OTUD7A: variants seen among roughly 807,000 people sequenced by gnomAD.
OTUD7A encodes the protein OTU deubiquitinase 7A.
A neutral mutation model predicts 65.7 loss-of-function variants in OTUD7A; 12 were observed. The observed-to-expected ratio is 0.18, with a 90% CI of 0.12 to 0.30. OTUD7A has a LOEUF of 0.30. Among genes scored for constraint, OTUD7A ranks in the 10% least tolerant of loss-of-function variants. OTUD7A has a pLI of 1.00. For synonymous variants in OTUD7A, 641 were observed against 586.3 expected (o/e 1.09, Z -1.35); for missense variants, 1,148 against 1,304.8 (o/e 0.88, Z 1.85).
At chr15:31,591,220 T>C (rs573982703) in intron 3 of OTUD7A, among the ~76,000 whole-genome samples, 1 of 152,010 alleles carries the variant, frequency 6.6e-6, no homozygotes, top group Non-Finnish European at 1.5e-5. Context: ...TTTGGTGGCT[T>C]AACAAGGAAA....
At chr15:31,811,840 T>C (rs1265398424) in intron 1 of OTUD7A, among the ~76,000 whole-genome samples, 1 of 152,240 alleles carries the variant, frequency 6.6e-6, no homozygotes, top group African/African-American at 2.4e-5. Context: ...TAGGGCAACC[T>C]GCTTTTTCCT....
Position 31,483,633 on chromosome 15 carries a change from G to A in OTUD7A, c.2463C>T (p.Ala821=), listed in dbSNP as rs1034149260. The change falls in exon 13 of 13, where the codon GCC becomes GCT. Residue 821 remains alanine, a synonymous_variant. Transcript: ENST00000307050. ...LSSQSYSPAR[A]AALRTVNTVE... is the part of the protein sequence containing the mutation. The stretch of plus-strand genomic sequence containing the variant: ...CCGTGTTGACGGTGCGCAGGGCGGC[G>A]GCGCGCGCCGGGCTGTAGCTCTGCG... 2.1e-5 allele frequency: 25 copies of A among 1,180,428 alleles called. No homozygotes were observed. Among genetic ancestry groups the A allele is most frequent in the South Asian group, 1.2e-4 (3 of 25,130 alleles). The allele number at this position is 1,180,428 out of a possible 1,614,324, so 73.1% of individuals were successfully genotyped here.
chr15:31,677,223 G>A (rs1376818748), intron 1 of OTUD7A, among the ~76,000 whole-genome samples: 2 of 152,312 alleles, frequency 1.3e-5, no homozygotes, highest in East Asian at 3.9e-4. Flanking sequence ...GGGGATAGTA[G>A]AGCTGCTGGA....
chr15:31,696,602 CCA>C (rs1244929058), intron 1 of OTUD7A, among the ~76,000 whole-genome samples: 1 of 142,216 alleles, frequency 7.0e-6, no homozygotes, highest in Non-Finnish European at 1.5e-5. Flanking sequence ...CCCTTCAGCT[CCA>C]GAGAGACCTC....
intron 1 of OTUD7A, among the ~76,000 whole-genome samples, chr15:31,828,847 T>C (rs934447543): frequency 6.6e-6 from 1 of 152,140 alleles, no homozygotes; most frequent in Non-Finnish European, 1.5e-5. Context: ...TCTCCCGCTT[T>C]ACCCCAGGCA....
chr15:31,776,183 G>A (rs533651362), intron 1 of OTUD7A, among the ~76,000 whole-genome samples: 4 of 152,284 alleles, frequency 2.6e-5, no homozygotes, highest in African/African-American at 4.8e-5. Flanking sequence ...TCCCCTTACC[G>A]CCTGGTACCG....
chr15:31,542,884 C>T (rs1480660335), intron 5 of OTUD7A, among the ~76,000 whole-genome samples: 3 of 150,670 alleles, frequency 2.0e-5, no homozygotes, highest in Admixed American at 6.6e-5. Context: ...TAATACTAGA[C>T]CCATGAAAAG....
chr15:31,809,515 CA>C (rs1271214546), intron 1 of OTUD7A, among the ~76,000 whole-genome samples: 1 of 152,076 alleles, frequency 6.6e-6, no homozygotes, highest in Non-Finnish European at 1.5e-5. Flanking sequence ...CAGTTCCAGC[CA>C]AAAAAACTTA....
intron 1 of OTUD7A, among the ~76,000 whole-genome samples, chr15:31,772,395 CT>C (rs150006871): frequency 0.023 from 3,451 of 152,184 alleles, 122 homozygotes; most frequent in African/African-American, 0.079. Flanking sequence ...TGCATAATCC[CT>C]GACAGATAGT....
intron 3 of OTUD7A, among the ~76,000 whole-genome samples, chr15:31,625,860 G>A (rs1890935564): frequency 6.6e-6 from 1 of 152,060 alleles, no homozygotes; most frequent in South Asian, 2.1e-4. Flanking sequence ...GAAATGAACT[G>A]CTAATATACT....
intron 1 of OTUD7A, among the ~76,000 whole-genome samples, chr15:31,797,983 T>C (rs1288483118): frequency 6.6e-6 from 1 of 152,138 alleles, no homozygotes; most frequent in Non-Finnish European, 1.5e-5. Context: ...CTCTTCTTGG[T>C]TGGGAGACAC....
At chr15:31,504,971 A>G (rs1421542732) in intron 8 of OTUD7A, among the ~76,000 whole-genome samples, 1 of 152,050 alleles carries the variant, frequency 6.6e-6, no homozygotes, top group African/African-American at 2.4e-5. Context: ...GCTCAATGCA[A>G]CCTGCTTGAA....
chr15:31,792,113 C>T (rs1237975585), intron 1 of OTUD7A, among the ~76,000 whole-genome samples: 1 of 152,178 alleles, frequency 6.6e-6, no homozygotes, highest in African/African-American at 2.4e-5. Context: ...CCGCATTTCT[C>T]GTCCGCTCCT....
chr15:31,781,845 G>A (rs1895548180), intron 1 of OTUD7A, among the ~76,000 whole-genome samples: 1 of 152,136 alleles, frequency 6.6e-6, no homozygotes, highest in Non-Finnish European at 1.5e-5. Context: ...ATATACATCT[G>A]TATCCTATCT....
At chr15:31,549,823 G>T (rs1000324180) in intron 5 of OTUD7A, among the ~76,000 whole-genome samples, 3 of 152,180 alleles carry the variant, frequency 2.0e-5, no homozygotes, top group African/African-American at 7.2e-5. Context: ...GAGCTAGACG[G>T]CAAGGATGTG....
At chr15:31,765,233 C>CAT (rs1255876944) in intron 1 of OTUD7A, among the ~76,000 whole-genome samples, 2 of 151,786 alleles carry the variant, frequency 1.3e-5, no homozygotes, top group African/African-American at 2.4e-5. Flanking sequence ...AAAACACATA[C>CAT]ATATATATAT....
chr15:31,624,735 C>A (rs1277422684), intron 3 of OTUD7A, among the ~76,000 whole-genome samples: 3 of 152,018 alleles, frequency 2.0e-5, no homozygotes, highest in African/African-American at 7.3e-5. Flanking sequence ...GTTCAGGAAC[C>A]CCAGCAGGCC....
intron 3 of OTUD7A, among the ~76,000 whole-genome samples, chr15:31,615,356 A>T (rs1427269711): frequency 6.6e-6 from 1 of 152,248 alleles, no homozygotes; most frequent in Non-Finnish European, 1.5e-5. Context: ...GACGTTAATG[A>T]AAATAAAACT....
At chr15:31,747,598 A>G (rs1169276354) in intron 1 of OTUD7A, among the ~76,000 whole-genome samples, 1 of 152,232 alleles carries the variant, frequency 6.6e-6, no homozygotes, top group African/African-American at 2.4e-5. Flanking sequence ...GTCCATATAA[A>G]TAGATGATTA....
Sources: gnomAD v4.1 joint callset for allele counts (sites outside exome capture counted in the v4.1 genomes callset) on GRCh38, gnomAD v4.1.1 for gene constraint, MANE v1.5 for transcripts, NCBI Gene and HGNC (gene_info 2026-07-23, HGNC 2026-07-21) for gene names.